TMC5: variants seen among roughly 807,000 people sequenced by gnomAD.
The protein encoded by TMC5 is transmembrane channel like 5, also known as transmembrane channel-like protein 5.
Under a neutral mutation model 110.5 loss-of-function variants are expected in TMC5, and 86 were observed. The observed-to-expected ratio is 0.78, with a 90% CI of 0.65 to 0.93. The LOEUF (loss-of-function observed/expected upper bound fraction) is 0.93. Among genes scored for constraint, TMC5 ranks in the 40% least tolerant of loss-of-function variants. TMC5 has a pLI of 0.00. For missense variants in TMC5, 1,144 were observed against 1,222.8 expected (o/e 0.94, Z 0.96); for synonymous variants, 455 against 439.5 (o/e 1.04, Z -0.44).
chr16:19,452,780 G>A (rs566968850), intron 5 of TMC5, among the ~76,000 whole-genome samples: 2 of 152,234 alleles, frequency 1.3e-5, no homozygotes, highest in South Asian at 4.2e-4. Flanking sequence ...TCCAGGGTTT[G>A]GGGCAGGACC....
chr16:19,453,588 C>CAA (rs956204210), intron 5 of TMC5, among the ~76,000 whole-genome samples: 4 of 118,576 alleles, frequency 3.4e-5, no homozygotes, highest in African/African-American at 6.2e-5. Context: ...GACTCTGTCT[C>CAA]AAAAAAAAAA....
chr16:19,440,525 T>C lies in TMC5; in HGVS notation c.487T>C (p.Tyr163His). Reference sequence around the variant, plus strand: ...TCATTTTGGCTCCTTAGAACCGGACTACCCTGGAGCTCAGAGCAACTCTGA... The same window carrying C: ...TCATTTTGGCTCCTTAGAACCGGACCACCCTGGAGCTCAGAGCAACTCTGA... ...PDHFGSLEPD[Y>H]PGAQSNSDHP... is the part of the protein sequence containing the mutation. The change falls in exon 3 of 22, where the codon TAC becomes CAC. Residue 163 changes from tyrosine to histidine, a missense_variant. Coordinates refer to ENST00000542583, the MANE Select transcript of TMC5 (RefSeq NM_001261841.2). The C allele has an allele frequency of 6.2e-7, 1 of 1,614,154 alleles. No homozygotes were observed. The highest frequency in any genetic ancestry group is 1.3e-5 in the African/African-American group (1 of 75,038).
At chr16:19,428,111 A>G (rs1229821523) in intron 1 of TMC5, among the ~76,000 whole-genome samples, 1 of 152,172 alleles carries the variant, frequency 6.6e-6, no homozygotes, top group Admixed American at 6.6e-5. Flanking sequence ...CTTCCTTCCA[A>G]GAAAGGATCG....
At chr16:19,451,835 G>A (rs530191658) in intron 5 of TMC5, among the ~76,000 whole-genome samples, 2 of 152,230 alleles carry the variant, frequency 1.3e-5, no homozygotes, top group African/African-American at 2.4e-5. Context: ...ATCTCACTCC[G>A]TTATTCAGGC....
At chr16:19,435,789 T>C (rs1434775234) in intron 2 of TMC5, among the ~76,000 whole-genome samples, 1 of 152,248 alleles carries the variant, frequency 6.6e-6, no homozygotes, top group Non-Finnish European at 1.5e-5. Context: ...AACTCTGTTG[T>C]GTCCAACTCT....
At chr16:19,449,520 A>G (rs6497373) in intron 4 of TMC5, 22 bp from the exon 5 acceptor site, 1,315,041 of 1,605,312 alleles carry the variant, frequency 0.82, 539,981 homozygotes, top group South Asian at 0.91. Context: ...AATCGGCAAT[A>G]TCTCCTTCCT....
At chr16:19,463,465 A>G in intron 7 of TMC5, 98 bp downstream of exon 7, 1 of 1,070,920 alleles carries the variant, frequency 9.3e-7, no homozygotes, top group East Asian at 2.4e-5. Flanking sequence ...CAAAAATCAG[A>G]GCAATTTCAT....
chr16:19,491,658 C>T (rs1968910117), intron 18 of TMC5, among the ~76,000 whole-genome samples: 1 of 151,690 alleles, frequency 6.6e-6, no homozygotes. Context: ...GCCTCAGCCT[C>T]CCGAGTAGTT....
chr16:19,450,688 A>C (rs1308307050), intron 5 of TMC5, among the ~76,000 whole-genome samples: 1 of 151,976 alleles, frequency 6.6e-6, no homozygotes, highest in Non-Finnish European at 1.5e-5. Context: ...CGGGGGAAGG[A>C]CTCTGGCCAG....
rs1048918105 is a variant in TMC5, at chr16:19,480,011, A to G, written c.2267+483A>G. 2.0e-5 allele frequency among the ~76,000 whole-genome samples: 3 copies of G among 152,228 alleles called. No homozygotes were observed. In the East Asian group the frequency reaches 5.8e-4, roughly 29 times the overall value. ...AAAAAAGAAATCTTATCCACTGTAG[A>G]TAATTTCAATATTCTAGTATATATT... is the stretch of plus-strand genomic sequence containing the variant. On this transcript the variant is annotated intron_variant, in intron 14 of 21. Coordinates refer to ENST00000542583, the MANE Select transcript of TMC5 (RefSeq NM_001261841.2).
In TMC5 at chr16:19,477,316, G is replaced by A. The variant is rs1008417580; in HGVS notation, c.2091-124G>A. The A allele has an allele frequency of 8.2e-5, 58 of 710,764 alleles. 1 individual carries two copies. In the East Asian group the frequency reaches 1.1e-3, roughly 13 times the overall value. The allele number at this position is 710,764 out of a possible 1,614,324, so 44.0% of individuals were successfully genotyped here. ...CAATTCATTCACTGGAACTAGCCATGTGCCCCCCTCCAACCACAGGGGCCA... is the reference window on the plus strand; with the variant it reads ...CAATTCATTCACTGGAACTAGCCATATGCCCCCCTCCAACCACAGGGGCCA... On this transcript the variant is annotated intron_variant, in intron 12 of 21. Coordinates refer to ENST00000542583, the MANE Select transcript of TMC5 (RefSeq NM_001261841.2).
intron 15 of TMC5, among the ~76,000 whole-genome samples, chr16:19,482,575 T>C (rs1277624839): frequency 6.6e-6 from 1 of 152,238 alleles, no homozygotes. Context: ...TCTGTTAGCA[T>C]TGATTTGCCA....
chr16:19,445,550 T>C (rs1039594602), intron 4 of TMC5, among the ~76,000 whole-genome samples: 3 of 151,970 alleles, frequency 2.0e-5, no homozygotes, highest in Non-Finnish European at 4.4e-5. Context: ...TGAACAGTTC[T>C]TACTTTCTAG....
chr16:19,440,796 G>A lies in TMC5; in HGVS notation c.758G>A (p.Gly253Asp). 1 of 1,613,600 alleles carries A rather than the reference G, an allele frequency of 6.2e-7. No individual in the cohort carries two copies. The highest frequency in any genetic ancestry group is 8.5e-7 in the Non-Finnish European group (1 of 1,179,952). The stretch of plus-strand genomic sequence containing the variant: ...GATGCTGAGAATGGTCATGATTATG[G>A]CTCTTCTGAGACCCCAAAGATGACC... ...YSDAENGHDY[G>D]SSETPKMTRG... is the part of the protein sequence containing the mutation. Residue 253 changes from glycine to aspartate, a missense_variant, in exon 3 of 22, where the codon GGC becomes GAC. Gly to Asp is a moderately conservative substitution (Grantham distance 94). Coordinates refer to ENST00000542583, the MANE Select transcript of TMC5 (RefSeq NM_001261841.2).
intron 13 of TMC5, among the ~76,000 whole-genome samples, chr16:19,478,540 A>G (rs1271332201): frequency 6.6e-6 from 1 of 152,018 alleles, no homozygotes; most frequent in African/African-American, 2.4e-5. Flanking sequence ...CCATCCATGT[A>G]TCCATCTATC....
At chr16:19,422,282 A>G (rs969099202) in intron 1 of TMC5, among the ~76,000 whole-genome samples, 5 of 151,690 alleles carry the variant, frequency 3.3e-5, no homozygotes, top group Non-Finnish European at 5.9e-5. Context: ...TGACTCAAAG[A>G]TATTTAAAGG....
At chr16:19,481,299 T>A (rs1457976200) in intron 14 of TMC5, 71 bp from the exon 15 acceptor site, 1 of 1,108,664 alleles carries the variant, frequency 9.0e-7, no homozygotes, top group African/African-American at 1.5e-5. Flanking sequence ...TTGTTGATTG[T>A]CCTAGTCTGT....
rs1469613883 is a variant in TMC5 at position 19,472,167 on chromosome 16, T to C, written c.1862T>C (p.Val621Ala). Reference protein sequence around the residue: ...QLLTRFSAYMVAWVVSTGVAI... With the variant: ...QLLTRFSAYMAAWVVSTGVAI... ...CTGACCCGCTTCTCTGCCTACATGG[T>C]AGCCTGGGTTGTCTCTACAGGAGTG... Residue 621 changes from valine to alanine, a missense_variant, in exon 11 of 22, where the codon GTA (valine) becomes GCA (alanine). Transcript: ENST00000542583. The C allele has an allele frequency of 2.5e-6, 4 of 1,614,204 alleles. No individual in the cohort carries two copies. Among genetic ancestry groups the C allele is most frequent in the Non-Finnish European group, 3.4e-6 (4 of 1,180,032 alleles).
chr16:19,480,375 C>T (rs1378633846), intron 14 of TMC5, among the ~76,000 whole-genome samples: 2 of 152,002 alleles, frequency 1.3e-5, no homozygotes, highest in Admixed American at 1.3e-4. Flanking sequence ...TTATGTATTT[C>T]CGCAAGCTGC....
Sources: allele counts gnomAD v4.1 joint callset (sites outside exome capture counted in the v4.1 genomes callset), GRCh38; gene constraint gnomAD v4.1.1; transcripts MANE v1.5; gene names NCBI Gene and HGNC (gene_info 2026-07-23, HGNC 2026-07-21).